Variants in FAM234A observed in about 807,000 individuals in gnomAD.
FAM234A encodes protein FAM234A.
FAM234A carries 42 observed loss-of-function variants against 49.1 expected under a neutral mutation model. The observed-to-expected ratio is 0.86, with a 90% CI of 0.67 to 1.11. The LOEUF is 1.11. Among genes scored for constraint, FAM234A ranks in the 50% least tolerant of loss-of-function variants. The probability of loss-of-function intolerance (pLI) is 0.00; values close to 1 mark genes in which losing one functional copy is unlikely to be tolerated. For synonymous variants in FAM234A, 369 were observed against 316.2 expected (o/e 1.17, Z -1.77); for missense variants, 815 against 745.2 (o/e 1.09, Z -1.09).
At position 264,145 on chromosome 16, in the gene FAM234A, C is replaced by T. The variant is rs1427759625; in HGVS notation, c.1318C>T (p.His440Tyr). The change falls in exon 11 of 13, where the codon CAC (histidine) becomes TAC (tyrosine). Residue 440 changes from histidine (H) to tyrosine (Y), a missense_variant. Physicochemically the swap from His to Tyr is moderately conservative, Grantham distance 83. Transcript: ENST00000399932. ...CTCAGCCTTCTTCTTCTGGGGCCTC[C>T]ACGAGCTGGGGAGCACCAGCGAGAC... ...HRSAFFFWGL[H>Y]ELGSTSETET... 1.2e-6 allele frequency: 2 copies of T among 1,606,518 alleles called. No individual in the cohort carries two copies. The highest frequency in any genetic ancestry group is 1.7e-6 in the Non-Finnish European group (2 of 1,179,166).
At chr16:258,482 G>A (rs547759878) in intron 3 of FAM234A, among the ~76,000 whole-genome samples, 5 of 147,026 alleles carry the variant, frequency 3.4e-5, no homozygotes, top group South Asian at 2.1e-4. Context: ...TAAGGTCACC[G>A]ATCAACAGGA....
chr16:235,803 C>T (rs1322896684), intron 1 of FAM234A, among the ~76,000 whole-genome samples: 1 of 152,106 alleles, frequency 6.6e-6, no homozygotes, highest in Non-Finnish European at 1.5e-5. Context: ...ACTTCCTGTC[C>T]TCAAGGAGCT....
intron 5 of FAM234A, 200 bp from the exon 6 acceptor site, chr16:261,184 C>A: frequency 1.8e-6 from 1 of 564,004 alleles, no homozygotes; most frequent in East Asian, 3.0e-5. Context: ...GTGTGTCCAC[C>A]ACCTCCGCGT....
At chr16:238,325 G>A (rs527995429) in intron 1 of FAM234A, among the ~76,000 whole-genome samples, 273 of 152,114 alleles carry the variant, frequency 1.8e-3, no homozygotes, top group African/African-American at 6.3e-3. Flanking sequence ...GCCCCTGTCC[G>A]AACATTTTTA....
chr16:244,587 T>C (rs2050738107), intron 1 of FAM234A, among the ~76,000 whole-genome samples: 1 of 152,164 alleles, frequency 6.6e-6, no homozygotes, highest in Non-Finnish European at 1.5e-5. Flanking sequence ...TTTTCTATTT[T>C]ATACTTTTTA....
chr16:255,601 GC>G (rs1196640314), intron 3 of FAM234A, among the ~76,000 whole-genome samples: 5 of 152,130 alleles, frequency 3.3e-5, no homozygotes, highest in Non-Finnish European at 7.4e-5. Context: ...CATTATCTTT[GC>G]CATCACTCCC....
At chr16:268,183 A>G (rs552578562), downstream of FAM234A, 544 of 170,462 alleles carry the variant, frequency 3.2e-3, 2 homozygotes, top group Non-Finnish European at 5.2e-3. Context: ...TGCACTACAC[A>G]CAATCACACA....
At chr16:262,308 C>T (rs1425785476) in intron 7 of FAM234A, 83 bp downstream of exon 7, 1 of 1,579,022 alleles carries the variant, frequency 6.3e-7, no homozygotes, top group Non-Finnish European at 8.6e-7. Flanking sequence ...TGCTTCTGCT[C>T]TCGAGGTGCT....
downstream of FAM234A, chr16:269,653 GAGCA>G (rs2051826808): frequency 2.4e-6 from 3 of 1,273,156 alleles, no homozygotes; most frequent in East Asian, 7.0e-5. Context: ...CCACCCGAAG[GAGCA>G]GCCAAACATT....
At chr16:261,596 T>C (rs1288347832) in intron 6 of FAM234A, 82 bp downstream of exon 6, 5 of 1,477,082 alleles carry the variant, frequency 3.4e-6, no homozygotes, top group Non-Finnish European at 4.5e-6. Context: ...CTGCTGCCAC[T>C]TCCCAGACAG....
chr16:267,258 G>A (rs189145401), downstream of FAM234A, among the ~76,000 whole-genome samples: 87 of 152,080 alleles, frequency 5.7e-4, 1 homozygote, highest in South Asian at 6.2e-3. Context: ...GAGGGCAGGC[G>A]TCCCCACACA....
downstream of FAM234A, chr16:268,982 G>A (rs1179653854): frequency 1.6e-5 from 25 of 1,527,084 alleles, no homozygotes; most frequent in Non-Finnish European, 2.0e-5. Context: ...AGCTCCCTGT[G>A]GCCTTGGTCT....
chr16:266,230 G>A, downstream of FAM234A: 1 of 427,612 alleles, frequency 2.3e-6, no homozygotes, highest in Non-Finnish European at 3.1e-6. Context: ...GGGGAGGGCT[G>A]CCGAGGAGGC....
intron 2 of FAM234A, among the ~76,000 whole-genome samples, chr16:251,383 T>C (rs986427637): frequency 6.6e-6 from 1 of 152,140 alleles, no homozygotes; most frequent in Non-Finnish European, 1.5e-5. Flanking sequence ...TTTTTTGTTT[T>C]GTTTTTTTTG....
intron 1 of FAM234A, among the ~76,000 whole-genome samples, chr16:236,053 A>G (rs1396218152): frequency 2.6e-5 from 4 of 151,972 alleles, no homozygotes; most frequent in Admixed American, 2.0e-4. Flanking sequence ...CTCGGGTTCA[A>G]GCGATTCTCC....
chr16:249,695 T>G (rs916386316), intron 2 of FAM234A, 41 bp downstream of exon 2: 30 of 152,082 alleles, frequency 2.0e-4, no homozygotes, highest in South Asian at 4.1e-4. Context: ...ATGGGTGGTG[T>G]TTTCAGATTC....
At chr16:246,030 C>T (rs1436286840) in intron 1 of FAM234A, among the ~76,000 whole-genome samples, 1 of 151,764 alleles carries the variant, frequency 6.6e-6, no homozygotes, top group African/African-American at 2.4e-5. Flanking sequence ...CATGGTGAAA[C>T]CGTCTCTACT....
intron 8 of FAM234A, 83 bp downstream of exon 8, chr16:262,636 T>C (rs11248925): frequency 0.17 from 235,087 of 1,410,846 alleles, 20,919 homozygotes; most frequent in East Asian, 0.3. Context: ...GGACAATCTG[T>C]GTGGAGCCCA....
At chr16:257,679 T>A (rs774249294) in intron 3 of FAM234A, among the ~76,000 whole-genome samples, 3 of 152,118 alleles carry the variant, frequency 2.0e-5, no homozygotes, top group African/African-American at 4.8e-5. Flanking sequence ...TTCATTTTTG[T>A]GCATGACGTA....
Sources: allele counts gnomAD v4.1 joint callset (sites outside exome capture counted in the v4.1 genomes callset), GRCh38; gene constraint gnomAD v4.1.1; transcripts MANE v1.5; gene names NCBI Gene and HGNC (gene_info 2026-07-23, HGNC 2026-07-21).